DSCAM: variants seen among roughly 807,000 people sequenced by gnomAD.
DSCAM encodes the protein cell adhesion molecule DSCAM.
In DSCAM, 47 loss-of-function variants were observed where a neutral mutation model predicts 217.7. The observed-to-expected ratio is 0.22, with a 90% CI of 0.17 to 0.28. DSCAM has a LOEUF of 0.28. Ranked by LOEUF, DSCAM falls within the 10% of genes least tolerant of loss-of-function variation. DSCAM has a pLI of 1.00. For synonymous variants in DSCAM, 1,056 were observed against 1,015.3 expected (o/e 1.04, Z -0.76); for missense variants, 2,080 against 2,618.3 (o/e 0.79, Z 4.49).
chr21:40,231,205 G>T (rs144612003), intron 11 of DSCAM, among the ~76,000 whole-genome samples: 1 of 150,806 alleles, frequency 6.6e-6, no homozygotes, highest in Non-Finnish European at 1.5e-5. Flanking sequence ...GTGAGAATCT[G>T]GTAAGGTTCC....
At chr21:40,361,956 T>C (rs527889131) in intron 4 of DSCAM, among the ~76,000 whole-genome samples, 1 of 152,228 alleles carries the variant, frequency 6.6e-6, no homozygotes, top group Non-Finnish European at 1.5e-5. Flanking sequence ...CCAGGTATGA[T>C]GTTCCCCCTC....
chr21:40,287,527 G>A (rs1305249318), intron 10 of DSCAM, among the ~76,000 whole-genome samples: 2 of 152,172 alleles, frequency 1.3e-5, no homozygotes, highest in Non-Finnish European at 2.9e-5. Flanking sequence ...ACTCCAGAGA[G>A]GGTCACCTGA....
intron 5 of DSCAM, 90 bp downstream of exon 5, chr21:40,353,375 A>G: frequency 6.5e-7 from 1 of 1,537,552 alleles, no homozygotes. Context: ...AGTTAATGGA[A>G]AGCTACAGAG....
At chr21:40,676,537 T>C (rs2090341114) in intron 3 of DSCAM, among the ~76,000 whole-genome samples, 1 of 152,210 alleles carries the variant, frequency 6.6e-6, no homozygotes, top group Non-Finnish European at 1.5e-5. Context: ...TATTGTTCTT[T>C]TGTTTGCTTG....
chr21:40,232,388 C>G (rs1392144586), intron 11 of DSCAM, among the ~76,000 whole-genome samples: 3 of 151,946 alleles, frequency 2.0e-5, no homozygotes, highest in Admixed American at 1.3e-4. Flanking sequence ...TATGATAGAC[C>G]CATAGGAAAA....
rs1452665818 is a variant in DSCAM at position 40,740,960 on chromosome 21, C to T, written c.44-32189G>A. ...AGTCTCTCAAACTGATTGACAATAT[C>T]TTAGCTAGGTAACTACTGTGTGGCA... On this transcript the variant is annotated intron_variant, in intron 1 of 32. Coordinates refer to ENST00000400454, the MANE Select transcript of DSCAM (RefSeq NM_001389.5). 2.0e-5 allele frequency among the ~76,000 whole-genome samples: 3 copies of T among 152,216 alleles called. No homozygotes were observed. The East Asian group carries it at 5.8e-4, about 29-fold the overall frequency.
At chr21:40,235,699 T>A (rs2091422974) in intron 11 of DSCAM, among the ~76,000 whole-genome samples, 1 of 152,056 alleles carries the variant, frequency 6.6e-6, no homozygotes, top group South Asian at 2.1e-4. Context: ...CAAGCAAATT[T>A]GGCCTCACTC....
chr21:40,666,691 T>C (rs2090204770), intron 3 of DSCAM, among the ~76,000 whole-genome samples: 1 of 152,162 alleles, frequency 6.6e-6, no homozygotes, highest in Non-Finnish European at 1.5e-5. Context: ...CACTCACACC[T>C]GGCCACTGCT....
At chr21:40,632,603 CA>C (rs2089707158) in intron 3 of DSCAM, among the ~76,000 whole-genome samples, 1 of 152,052 alleles carries the variant, frequency 6.6e-6, no homozygotes, top group South Asian at 2.1e-4. Flanking sequence ...ACACTGAGCC[CA>C]AAATAAAATA....
At chr21:40,614,304 TG>T (rs200462217) in intron 3 of DSCAM, among the ~76,000 whole-genome samples, 1 of 152,232 alleles carries the variant, frequency 6.6e-6, no homozygotes, top group East Asian at 1.9e-4. Context: ...TTAAACAGGC[TG>T]ACATCCTGAT....
intron 3 of DSCAM, among the ~76,000 whole-genome samples, chr21:40,553,775 ATTAT>A (rs1025228541): frequency 6.6e-6 from 1 of 152,134 alleles, no homozygotes; most frequent in Non-Finnish European, 1.5e-5. Context: ...TTTCTTCTGA[ATTAT>A]TTTTTTTAAC....
At chr21:40,560,431 C>T (rs556268754) in intron 3 of DSCAM, among the ~76,000 whole-genome samples, 10 of 152,250 alleles carry the variant, frequency 6.6e-5, no homozygotes, top group East Asian at 1.9e-4. Flanking sequence ...CCCATGTTCC[C>T]GGGGAATATT....
At chr21:40,811,549 C>T (rs960355176) in intron 1 of DSCAM, among the ~76,000 whole-genome samples, 1 of 152,144 alleles carries the variant, frequency 6.6e-6, no homozygotes, top group Admixed American at 6.5e-5. Context: ...AGATTCTTTC[C>T]ACCAGAAATT....
intron 3 of DSCAM, among the ~76,000 whole-genome samples, chr21:40,429,278 T>A (rs995184575): frequency 2.6e-5 from 4 of 152,108 alleles, no homozygotes; most frequent in Non-Finnish European, 5.9e-5. Context: ...TGCTTTTTTT[T>A]TTTTGGAGAC....
chr21:40,633,153 G>A (rs749877290), intron 3 of DSCAM, among the ~76,000 whole-genome samples: 57 of 152,238 alleles, frequency 3.7e-4, no homozygotes, highest in Middle Eastern at 3.4e-3. Flanking sequence ...CATCACCAGC[G>A]AACACAAATG....
chr21:40,430,860 C>A (rs1206263132), intron 3 of DSCAM, among the ~76,000 whole-genome samples: 5 of 152,186 alleles, frequency 3.3e-5, no homozygotes, highest in Non-Finnish European at 7.3e-5. Flanking sequence ...GAACACACAG[C>A]ACGTGCTTCA....
At chr21:40,512,720 A>G (rs62225538) in intron 3 of DSCAM, among the ~76,000 whole-genome samples, 4,005 of 152,078 alleles carry the variant, frequency 0.026, 85 homozygotes, top group Middle Eastern at 0.061. Context: ...GTTATGCGCC[A>G]TAAGAGTAAC....
intron 3 of DSCAM, among the ~76,000 whole-genome samples, chr21:40,387,165 T>C (rs561264418): frequency 6.6e-6 from 1 of 152,302 alleles, no homozygotes; most frequent in Middle Eastern, 3.4e-3. Context: ...CTCTGGGCTC[T>C]ATAAAGGAAG....
intron 3 of DSCAM, among the ~76,000 whole-genome samples, chr21:40,474,163 G>A (rs1254003515): frequency 1.3e-5 from 2 of 152,012 alleles, no homozygotes; most frequent in Non-Finnish European, 2.9e-5. Context: ...TGTGGTGGCA[G>A]GCGCCTGTAA....
Sources: allele counts gnomAD v4.1 joint callset (sites outside exome capture counted in the v4.1 genomes callset), GRCh38; gene constraint gnomAD v4.1.1; transcripts MANE v1.5; gene names NCBI Gene and HGNC (gene_info 2026-07-23, HGNC 2026-07-21).